MECOM: variants seen among roughly 807,000 people sequenced by gnomAD.
MECOM encodes MDS1 and EVI1 complex locus.
In MECOM, 13 loss-of-function variants were observed where a neutral mutation model predicts 116.3. That is an observed-to-expected ratio of 0.11 (90% CI 0.07 to 0.18). The LOEUF is 0.18. MECOM is among the 10% of genes least tolerant of loss of function. MECOM has a pLI of 1.00. For synonymous variants in MECOM, 528 were observed against 535.2 expected (o/e 0.99, Z 0.19); for missense variants, 1,299 against 1,509.0 (o/e 0.86, Z 2.31).
At chr3:169,583,279 C>T (rs1435237714) in intron 1 of MECOM, among the ~76,000 whole-genome samples, 1 of 152,182 alleles carries the variant, frequency 6.6e-6, no homozygotes, top group African/African-American at 2.4e-5. Flanking sequence ...ACCATTCATA[C>T]ATAAAGAAAT....
At chr3:169,290,315 T>C (rs2149694529) in intron 2 of MECOM, among the ~76,000 whole-genome samples, 1 of 152,302 alleles carries the variant, frequency 6.6e-6, no homozygotes, top group East Asian at 1.9e-4. Context: ...AGACGTCTTA[T>C]AATGAAATCA....
intron 2 of MECOM, among the ~76,000 whole-genome samples, chr3:169,296,135 C>A (rs888145699): frequency 6.6e-6 from 1 of 152,170 alleles, no homozygotes; most frequent in Admixed American, 6.5e-5. Flanking sequence ...ACTTTTTTGA[C>A]CAGACCCACA....
At chr3:169,553,574 G>A (rs2109320137) in intron 1 of MECOM, among the ~76,000 whole-genome samples, 1 of 152,342 alleles carries the variant, frequency 6.6e-6, no homozygotes, top group African/African-American at 2.4e-5. Context: ...GGGCTCATAG[G>A]TAGATTATAT....
intron 1 of MECOM, among the ~76,000 whole-genome samples, chr3:169,600,911 A>G (rs1011859815): frequency 3.3e-5 from 5 of 152,206 alleles, no homozygotes; most frequent in Admixed American, 1.3e-4. Flanking sequence ...ACTCCACAGG[A>G]CTTCCGTTTT....
chr3:169,562,139 C>CAAAAAAAAA (rs10714325), intron 1 of MECOM, among the ~76,000 whole-genome samples: 8 of 25,280 alleles, frequency 3.2e-4, no homozygotes, highest in South Asian at 1.7e-3. Flanking sequence ...GAGCAATACT[C>CAAAAAAAAA]AAAAAAAAAA....
intron 1 of MECOM, among the ~76,000 whole-genome samples, chr3:169,510,375 C>T (rs1755829814): frequency 6.6e-6 from 1 of 152,142 alleles, no homozygotes; most frequent in Non-Finnish European, 1.5e-5. Context: ...CATACTTGTT[C>T]TAAGGTTTAT....
chr3:169,341,126 A>G (rs570368279), intron 2 of MECOM, among the ~76,000 whole-genome samples: 21 of 152,324 alleles, frequency 1.4e-4, no homozygotes, highest in Middle Eastern at 3.4e-3. Context: ...TTTCTAATAC[A>G]ATCTTAAAGT....
intron 1 of MECOM, among the ~76,000 whole-genome samples, chr3:169,387,066 C>T (rs879600819): frequency 5.3e-5 from 8 of 151,926 alleles, no homozygotes; most frequent in Non-Finnish European, 1.0e-4. Flanking sequence ...AGACAATTTG[C>T]CATTTGGTAT....
At chr3:169,207,779 C>A (rs184378192) in intron 2 of MECOM, among the ~76,000 whole-genome samples, 2 of 152,240 alleles carry the variant, frequency 1.3e-5, no homozygotes, top group Admixed American at 6.5e-5. Context: ...TGTTAGGCTC[C>A]ATCAAATGCC....
intron 1 of MECOM, among the ~76,000 whole-genome samples, chr3:169,643,563 CT>C (rs1186895451): frequency 6.6e-6 from 1 of 152,160 alleles, no homozygotes; most frequent in Admixed American, 6.5e-5. Flanking sequence ...CTACCATTTC[CT>C]TCTGCTTACT....
At chr3:169,514,199 T>TTA (rs1157555023) in intron 1 of MECOM, among the ~76,000 whole-genome samples, 1 of 152,112 alleles carries the variant, frequency 6.6e-6, no homozygotes, top group African/African-American at 2.4e-5. Flanking sequence ...ATTCCTAATA[T>TTA]GCTTACAACA....
intron 1 of MECOM, among the ~76,000 whole-genome samples, chr3:169,443,929 C>G (rs1238322226): frequency 1.3e-5 from 2 of 152,142 alleles, no homozygotes; most frequent in Non-Finnish European, 2.9e-5. Context: ...GTCTGTGAGC[C>G]CTTTTCACAT....
chr3:169,231,964 A>C (rs1461364602), intron 2 of MECOM, among the ~76,000 whole-genome samples: 1 of 152,116 alleles, frequency 6.6e-6, no homozygotes, highest in Non-Finnish European at 1.5e-5. Context: ...TTCAGCATCA[A>C]ACATTTGAGA....
At position 169,097,314 on chromosome 3, in the gene MECOM, A is replaced by C. The variant is rs190874387; in HGVS notation, c.2850-2069T>G. On this transcript the variant is annotated intron_variant, in intron 12 of 16. Coordinates refer to ENST00000651503, the MANE Select transcript of MECOM (RefSeq NM_004991.4). ...AACCAATGATCAGTTGTTACTTTCT[A>C]TCTCTCCTCTGCTAAAGTCTTGGCC... is the stretch of plus-strand genomic sequence containing the variant. 1.6e-3 allele frequency among the ~76,000 whole-genome samples: 246 copies of C among 152,224 alleles called. 2 individuals are homozygous for C. The highest frequency in any genetic ancestry group is 5.8e-3 in the African/African-American group (239 of 41,522).
At chr3:169,112,993 T>C (rs1427048973) in intron 8 of MECOM, 119 bp from the exon 9 acceptor site, 28 of 680,718 alleles carry the variant, frequency 4.1e-5, no homozygotes, top group Non-Finnish European at 9.9e-6. Context: ...GGAAGCGCAC[T>C]CATAAAACTA....
chr3:169,562,443 G>C (rs776672256), intron 1 of MECOM, among the ~76,000 whole-genome samples: 19 of 152,098 alleles, frequency 1.2e-4, no homozygotes, highest in Non-Finnish European at 2.4e-4. Flanking sequence ...TATTTGGCTG[G>C]GGAAGTGGGG....
chr3:169,655,160 GAGA>G (rs1775388085), intron 1 of MECOM, among the ~76,000 whole-genome samples: 1 of 152,248 alleles, frequency 6.6e-6, no homozygotes, highest in South Asian at 2.1e-4. Flanking sequence ...AGCAGGAGCT[GAGA>G]AGAAGCTGCC....
chr3:169,116,629 T>C lies in MECOM; in HGVS notation c.1243A>G (p.Ser415Gly), dbSNP rs199658452. Residue 415 changes from serine to glycine, a missense_variant, in exon 8 of 17, where the codon AGC (serine) becomes GGC (glycine). By Grantham distance (56) the Ser-to-Gly change is moderately conservative. Around this residue, in one of 6 missense-constraint regions of MECOM, gnomAD observed 42 missense variants for 103.9 expected, o/e 0.40. Coordinates refer to ENST00000651503, the MANE Select transcript of MECOM (RefSeq NM_004991.4). ...TGTTTATTTAAGGAAGACGTAGTGC[T>C]GAACATTTGTCCACAGTCTTTGCAC... ...IKCKDCGQMF[S>G]TTSSLNKHRR... 1.2e-6 allele frequency: 2 copies of C among 1,614,220 alleles called. No homozygotes were observed. The highest frequency in any genetic ancestry group is 4.5e-5 in the East Asian group (2 of 44,892).
At chr3:169,586,912 T>C (rs746320794) in intron 1 of MECOM, among the ~76,000 whole-genome samples, 20 of 152,226 alleles carry the variant, frequency 1.3e-4, no homozygotes, top group Non-Finnish European at 2.5e-4. Flanking sequence ...ATATCTGTAG[T>C]AATCGTAGAA....
Sources: allele counts gnomAD v4.1 joint callset (sites outside exome capture counted in the v4.1 genomes callset), GRCh38; gene constraint gnomAD v4.1.1; regional missense constraint gnomAD v4.1.1; transcripts MANE v1.5; gene names NCBI Gene and HGNC (gene_info 2026-07-23, HGNC 2026-07-21).